Variants in LCORL observed in about 807,000 individuals in gnomAD.
LCORL encodes the protein ligand-dependent nuclear receptor corepressor-like protein.
In LCORL, 41 loss-of-function variants were observed where a neutral mutation model predicts 141.8. The ratio of observed to expected loss-of-function variants is 0.29; its 90% CI spans 0.23 to 0.38. The LOEUF (loss-of-function observed/expected upper bound fraction) is 0.38. LCORL is among the 10% of genes least tolerant of loss of function. The pLI is 1.00. For synonymous variants in LCORL, 618 were observed against 694.1 expected (o/e 0.89, Z 1.72); for missense variants, 1,759 against 2,035.0 (o/e 0.86, Z 2.61).
exon 7 of LCORL, chr4:17,874,695 T>C (rs999422813): frequency 2.4e-6 from 3 of 1,233,774 alleles, no homozygotes; most frequent in Non-Finnish European, 3.0e-6. Context: ...TAAGGAATCA[T>C]TTGAAGCAGA....
At chr4:17,875,588 A>G (rs1726836635) in exon 7 of LCORL, 1 of 1,231,098 alleles carries the variant, frequency 8.1e-7, no homozygotes, top group Non-Finnish European at 1.0e-6. Flanking sequence ...TTTTATAAAT[A>G]CCTTCTTTTA....
At chr4:17,961,852 C>T (rs947280680) in intron 4 of LCORL, 51 bp downstream of exon 4, 1 of 1,532,106 alleles carries the variant, frequency 6.5e-7, no homozygotes, top group South Asian at 1.2e-5. Flanking sequence ...AAAATTCCAA[C>T]ATTTTACATC....
intron 4 of LCORL, among the ~76,000 whole-genome samples, chr4:17,939,512 C>G (rs969669447): frequency 6.6e-6 from 1 of 152,052 alleles, no homozygotes; most frequent in Non-Finnish European, 1.5e-5. Context: ...GAGACTTACA[C>G]AAGAATGTTC....
chr4:17,865,852 A>G (rs1486232032), intron 7 of LCORL, among the ~76,000 whole-genome samples: 6 of 152,194 alleles, frequency 3.9e-5, no homozygotes, highest in South Asian at 2.1e-4. Context: ...GTGAATCACA[A>G]TGGTCTAAGT....
chr4:17,976,811 C>T (rs1435782939), intron 1 of LCORL, among the ~76,000 whole-genome samples: 1 of 152,128 alleles, frequency 6.6e-6, no homozygotes, highest in African/African-American at 2.4e-5. Flanking sequence ...TGCATAGTTG[C>T]TGGCAAGTTT....
Position 17,936,316 on chromosome 4 carries a change from T to G in LCORL, c.430+25587A>C, listed in dbSNP as rs991858904. ...CCACTTTTCAGGACCACTAGAATTT[T>G]GGAACTACCAGATTTTAGATAAAAT... is the stretch of plus-strand genomic sequence containing the variant. On this transcript the variant is annotated intron_variant, in intron 4 of 7. Coordinates refer to ENST00000635767, the Ensembl canonical transcript of LCORL. 2.7e-5 allele frequency among the ~76,000 whole-genome samples: 4 copies of G among 148,962 alleles called. No homozygotes were observed. In the East Asian group the frequency reaches 5.9e-4, roughly 22 times the overall value.
At chr4:17,883,603 G>A (rs1727865702) in intron 6 of LCORL, 1 of 1,372,482 alleles carries the variant, frequency 7.3e-7, no homozygotes, top group Non-Finnish European at 9.4e-7. Context: ...CTGTCAGAGT[G>A]AGCATTTGTA....
intron 5 of LCORL, among the ~76,000 whole-genome samples, chr4:17,902,772 A>C (rs915342196): frequency 1.3e-5 from 2 of 152,090 alleles, no homozygotes; most frequent in African/African-American, 4.8e-5. Context: ...CTTGAAGCCT[A>C]CTTAGTATTA....
chr4:17,896,081 T>C (rs1729878277), intron 5 of LCORL, among the ~76,000 whole-genome samples: 1 of 152,208 alleles, frequency 6.6e-6, no homozygotes, highest in African/African-American at 2.4e-5. Context: ...TTGGGTTATA[T>C]AACTGGATGC....
rs1349622740 is a variant in LCORL at position 18,021,556 on chromosome 4, T to C, written c.154+42A>G. ...CAAACTCCTCGGGCTGCGACAGCGG[T>C]CGCCGCGCGGAGCCCGGGGCCCCGG... On this transcript the variant is annotated intron_variant, in intron 1 of 7. Transcript: ENST00000635767. The surrounding 1 kb of genome is among the most constrained non-coding windows in gnomAD (Gnocchi z 5.5). The C allele has an allele frequency of 6.7e-7, 1 of 1,492,108 alleles. No individual in the cohort carries two copies. 92.4% of individuals were successfully genotyped at this position (1,492,108 alleles called of 1,614,324 possible). A position where few individuals can be genotyped will look rare whatever the true frequency, so the allele number is the denominator to read the frequency against.
chr4:17,978,648 GAAT>G (rs1717423571), intron 1 of LCORL, among the ~76,000 whole-genome samples: 1 of 151,512 alleles, frequency 6.6e-6, no homozygotes, highest in Non-Finnish European at 1.5e-5. Flanking sequence ...GTGGGAACTT[GAAT>G]AATGATTGCC....
chr4:17,912,355 G>A, intron 4 of LCORL: 1 of 667,452 alleles, frequency 1.5e-6, no homozygotes, highest in Non-Finnish European at 2.8e-6. Flanking sequence ...TGAAGAGGAA[G>A]TAAAAGGCCT....
intron 6 of LCORL, chr4:17,881,390 A>G: frequency 1.0e-6 from 1 of 975,680 alleles, no homozygotes; most frequent in Non-Finnish European, 1.2e-6. Context: ...TAGTTTGTAT[A>G]ATCAAATGTT....
chr4:17,886,792 TATAAA>T (rs1728337740), intron 5 of LCORL, among the ~76,000 whole-genome samples: 1 of 152,092 alleles, frequency 6.6e-6, no homozygotes, highest in Non-Finnish European at 1.5e-5. Context: ...AAAATAATGT[TATAAA>T]ATAACTGCCT....
At chr4:17,895,237 T>C (rs757135237) in intron 5 of LCORL, among the ~76,000 whole-genome samples, 112 of 152,184 alleles carry the variant, frequency 7.4e-4, no homozygotes, top group Non-Finnish European at 1.2e-3. Flanking sequence ...AGTCACCCTA[T>C]TGTGCAACAA....
chr4:17,861,405 C>T (rs1399064887), intron 7 of LCORL, among the ~76,000 whole-genome samples: 8 of 152,188 alleles, frequency 5.3e-5, no homozygotes, highest in African/African-American at 1.9e-4. Context: ...TTAGTCACAG[C>T]TGGAGTGGCT....
chr4:17,965,862 A>G lies in LCORL; in HGVS notation c.221-2813T>C, dbSNP rs534262187. On this transcript the variant is annotated intron_variant, in intron 2 of 7. Coordinates refer to ENST00000635767, the Ensembl canonical transcript of LCORL. ...TTCTAAATAACCTCATTATTAATAA[A>G]TAATTTTTGAGTGTTTTAATGCTTT... 5.3e-5 allele frequency among the ~76,000 whole-genome samples: 8 copies of G among 152,238 alleles called. No homozygotes were observed. In the South Asian group the frequency reaches 1.7e-3, roughly 32 times the overall value.
intron 1 of LCORL, among the ~76,000 whole-genome samples, chr4:17,994,085 A>C (rs1055206253): frequency 6.6e-6 from 1 of 152,206 alleles, no homozygotes; most frequent in Non-Finnish European, 1.5e-5. Context: ...AATTAAACAA[A>C]TATATCAGGA....
intron 7 of LCORL, among the ~76,000 whole-genome samples, chr4:17,854,087 G>T (rs1724079801): frequency 6.6e-6 from 1 of 152,086 alleles, no homozygotes; most frequent in Admixed American, 6.6e-5. Flanking sequence ...AGAAATATTT[G>T]ATAACGGTCT....
Sources: allele counts gnomAD v4.1 joint callset (sites outside exome capture counted in the v4.1 genomes callset), GRCh38; gene constraint gnomAD v4.1.1; non-coding constraint Gnocchi (gnomAD v3.1); transcripts MANE v1.5; gene names NCBI Gene and HGNC (gene_info 2026-07-23, HGNC 2026-07-21).